Variants in EXOC3L4 observed in about 807,000 individuals in gnomAD.
The protein encoded by EXOC3L4 is exocyst complex component 3 like 4.
In EXOC3L4, 62 loss-of-function variants were observed where a neutral mutation model predicts 69.7. That is an observed-to-expected ratio of 0.89 (90% CI 0.72 to 1.10). The LOEUF is 1.10. Ranked by LOEUF, EXOC3L4 falls within the 50% of genes least tolerant of loss-of-function variation. The pLI, the probability that EXOC3L4 is intolerant of heterozygous loss-of-function variation, is 0.00. For missense variants in EXOC3L4, 1,087 were observed against 1,034.8 expected (o/e 1.05, Z -0.69); for synonymous variants, 502 against 464.2 (o/e 1.08, Z -1.05).
At chr14:103,101,396 GC>G (rs796405261) in intron 2 of EXOC3L4, among the ~76,000 whole-genome samples, 21 of 152,262 alleles carry the variant, frequency 1.4e-4, no homozygotes, top group African/African-American at 4.3e-4. Context: ...TGCAATGGGA[GC>G]CCCCCCATTG....
chr14:103,095,491 A>G (rs1889851879), intron 1 of EXOC3L4, among the ~76,000 whole-genome samples: 1 of 145,224 alleles, frequency 6.9e-6, no homozygotes, highest in Non-Finnish European at 1.6e-5. Flanking sequence ...ACAACTGAAG[A>G]AGGAGGGGCT....
At position 103,104,021 on chromosome 14, in the gene EXOC3L4, G is replaced by C. The variant is rs776956380; in HGVS notation, c.1130G>C (p.Arg377Pro). The C allele has an allele frequency of 6.3e-7, 1 of 1,578,084 alleles. No individual in the cohort carries two copies. Among genetic ancestry groups the C allele is most frequent in the African/African-American group, 1.3e-5 (1 of 74,190 alleles). Reference protein sequence around the residue: ...PPLLAPDVWARLESDYTSFLE... With the variant: ...PPLLAPDVWAPLESDYTSFLE... ...CTCCTGGCGCCGGACGTGTGGGCCC[G>C]ACTGGAGAGCGACTACACCAGCTTC... Residue 377 changes from arginine (R) to proline (P), a missense_variant, in exon 4 of 12, where the codon CGA becomes CCA. Arg to Pro is a moderately radical substitution (Grantham distance 103, BLOSUM62 -2). Transcript: ENST00000688303.
intron 7 of EXOC3L4, among the ~76,000 whole-genome samples, chr14:103,105,466 TTG>T (rs140402037): frequency 1.3e-5 from 2 of 151,390 alleles, no homozygotes; most frequent in Non-Finnish European, 3.0e-5. Context: ...TGCGTGTGTC[TTG>T]TGTGTGTGTG....
chr14:103,107,459 G>A lies in EXOC3L4; in HGVS notation c.1617G>A (p.Leu539=). 1 of 1,613,944 alleles carries A rather than the reference G, an allele frequency of 6.2e-7. No homozygotes were observed. Among genetic ancestry groups the A allele is most frequent in the East Asian group, 2.2e-5 (1 of 44,874 alleles). ...LFRVVCTRDW[L]TQDWLHPLMD... is the part of the protein sequence containing the mutation. The stretch of plus-strand genomic sequence containing the variant: ...GGGTTGTGTGCACCAGGGACTGGCT[G>A]ACGCAGGACTGGCTGCATCCCCTCA... Residue 539 remains leucine, a synonymous_variant, in exon 9 of 12, where the codon CTG becomes CTA. Coordinates refer to ENST00000688303, the MANE Select transcript of EXOC3L4 (RefSeq NM_001077594.2).
At chr14:103,103,874 C>A (rs2139490733) in intron 3 of EXOC3L4, 67 bp from the exon 4 acceptor site, 1 of 1,092,968 alleles carries the variant, frequency 9.1e-7, no homozygotes, top group Non-Finnish European at 1.3e-6. Context: ...TGAGCCTGGC[C>A]AGAAGAGGGG....
At chr14:103,104,428 T>A in intron 5 of EXOC3L4, 39 bp downstream of exon 5, 1 of 1,503,698 alleles carries the variant, frequency 6.7e-7, no homozygotes. Context: ...GGGCGTCTGT[T>A]CAAGCCTCAC....
chr14:103,105,813 A>G (rs966335033), intron 7 of EXOC3L4, among the ~76,000 whole-genome samples: 2 of 152,146 alleles, frequency 1.3e-5, no homozygotes, highest in Non-Finnish European at 2.9e-5. Context: ...GAGCCTCCCC[A>G]TCTGGGTTTA....
intron 3 of EXOC3L4, chr14:103,103,668 G>C: frequency 2.3e-6 from 1 of 438,700 alleles, no homozygotes; most frequent in Admixed American, 4.2e-5. Flanking sequence ...CGATTCCTGA[G>C]CTGTGTTTGA....
Position 103,100,368 on chromosome 14 carries a change from T to G in EXOC3L4, c.149T>G (p.Leu50Arg). The change falls in exon 2 of 12, where the codon CTG becomes CGG. Residue 50 changes from leucine (L) to arginine (R), a missense_variant. Physicochemically the swap from Leu to Arg is moderately radical, Grantham distance 102 (BLOSUM62 -2). Transcript: ENST00000688303. ...CGCAAGGATGGCACAAGGCTGGGCC[T>G]GGGCTCCCTGAGGCAGGCCTTCTCC... ...AHRKDGTRLGLGSLRQAFSRA... is the reference protein window; with the variant it reads ...AHRKDGTRLGRGSLRQAFSRA... 6.2e-7 allele frequency: 1 copy of G among 1,606,618 alleles called. No individual in the cohort carries two copies. The highest frequency in any genetic ancestry group is 8.5e-7 in the Non-Finnish European group (1 of 1,176,500).
chr14:103,110,143 G>A lies in EXOC3L4; in HGVS notation c.2089G>A (p.Ala697Thr). 1 of 1,550,124 alleles carries A rather than the reference G, an allele frequency of 6.5e-7. No individual in the cohort carries two copies. Among genetic ancestry groups the A allele is most frequent in the South Asian group, 1.2e-5 (1 of 84,136 alleles). The stretch of plus-strand genomic sequence containing the variant: ...GAGAGCTGCGGCCGGGGCGGCGGGT[G>A]CGGAGGCCCCTCGGGGCCGCGTGCT... ...LLRAAAGAAGAEAPRGRVLFE... is the reference protein window; with the variant it reads ...LLRAAAGAAGTEAPRGRVLFE... The change falls in exon 12 of 12, where the codon GCG (alanine) becomes ACG (threonine). Residue 697 changes from alanine to threonine, a missense_variant. Physicochemically the swap from Ala to Thr is moderately conservative, Grantham distance 58. Coordinates refer to ENST00000688303, the MANE Select transcript of EXOC3L4 (RefSeq NM_001077594.2).
intron 4 of EXOC3L4, 62 bp downstream of exon 4, chr14:103,104,114 T>G: frequency 6.9e-7 from 1 of 1,456,166 alleles, no homozygotes; most frequent in East Asian, 2.6e-5. Flanking sequence ...TGGGGGGATG[T>G]GCGGCGCCCA....
At chr14:103,098,038 G>A (rs1373500005) in intron 1 of EXOC3L4, among the ~76,000 whole-genome samples, 2 of 152,046 alleles carry the variant, frequency 1.3e-5, no homozygotes, top group Admixed American at 1.3e-4. Flanking sequence ...GAATAGCTTG[G>A]GAAGCTGTTG....
Position 103,100,577 on chromosome 14 carries a change from A to G in EXOC3L4, c.358A>G (p.Thr120Ala), listed in dbSNP as rs767985118. 2 of 1,608,354 alleles carry G rather than the reference A, an allele frequency of 1.2e-6. No individual in the cohort carries two copies. The highest frequency in any genetic ancestry group is 1.3e-5 in the African/African-American group (1 of 74,838). The change falls in exon 2 of 12, where the codon ACT becomes GCT. Residue 120 changes from threonine to alanine, a missense_variant. By Grantham distance (58) the Thr-to-Ala change is moderately conservative (BLOSUM62 0). Transcript: ENST00000688303. ...GAATGGTGTCAGCCAGCAGGCATCC[A>G]CTGGGGCAGCGTCTGAGGAACTGAA... is the stretch of plus-strand genomic sequence containing the variant. The part of the protein sequence containing the change: ...VMNGVSQQAS[T>A]GAASEELKPE...
intron 1 of EXOC3L4, among the ~76,000 whole-genome samples, chr14:103,096,398 A>ATTTTTTTTTTT (rs1440659126): frequency 1.5e-5 from 1 of 68,504 alleles, no homozygotes; most frequent in Admixed American, 1.7e-4. Context: ...TTTTGGCAAG[A>ATTTTTTTTTTT]TTCTTTTTTT....
chr14:103,102,176 G>C lies in EXOC3L4; in HGVS notation c.453G>C (p.Gln151His). 1 of 1,603,794 alleles carries C rather than the reference G, an allele frequency of 6.2e-7. No homozygotes were observed. Among genetic ancestry groups the C allele is most frequent in the Non-Finnish European group, 8.5e-7 (1 of 1,175,824 alleles). Residue 151 changes from glutamine (Q) to histidine (H), a missense_variant, in exon 3 of 12, where the codon CAG becomes CAC. Transcript: ENST00000688303. Reference sequence around the variant, plus strand: ...GGCAACTGCTGGCGGCCTTCGAACAGCTTCTGCGCCTGGAGACGCTGCTGG... The same window carrying C: ...GGCAACTGCTGGCGGCCTTCGAACACCTTCTGCGCCTGGAGACGCTGCTGG... ...TERQLLAAFEQLLRLETLLVA... is the reference protein window; with the variant it reads ...TERQLLAAFEHLLRLETLLVA...
intron 2 of EXOC3L4, among the ~76,000 whole-genome samples, chr14:103,101,168 G>C (rs529112770): frequency 6.6e-6 from 1 of 152,004 alleles, no homozygotes; most frequent in Non-Finnish European, 1.5e-5. Context: ...GCCTCCCAAA[G>C]TGCTGGGATT....
Position 103,100,229 on chromosome 14 carries a change from C to T in EXOC3L4, c.10C>T (p.Pro4Ser), listed in dbSNP as rs762198875. Residue 4 changes from proline to serine, a missense_variant, in exon 2 of 12, where the codon CCA (proline) becomes TCA (serine). Pro to Ser is a moderately conservative substitution (Grantham distance 74). Coordinates refer to ENST00000688303, the MANE Select transcript of EXOC3L4 (RefSeq NM_001077594.2). ...CTCTCCTGCTGCCAAGATGCCATCACCACAGACAGACACTCCTGGGCCGGA... is the reference window on the plus strand; with the variant it reads ...CTCTCCTGCTGCCAAGATGCCATCATCACAGACAGACACTCCTGGGCCGGA... MPS[P>S]QTDTPGPELQ... 1.3e-6 allele frequency: 2 copies of T among 1,577,952 alleles called. No homozygotes were observed. The highest frequency in any genetic ancestry group is 2.3e-5 in the East Asian group (1 of 43,856).
chr14:103,102,381 G>A lies in EXOC3L4; in HGVS notation c.658G>A (p.Ala220Thr), dbSNP rs543367128. 1.0e-5 allele frequency: 16 copies of A among 1,558,610 alleles called. No individual in the cohort carries two copies. In the African/African-American group the frequency reaches 1.5e-4, roughly 15 times the overall value. The stretch of plus-strand genomic sequence containing the variant: ...GGCCGAGCTGGCCCGCGTGGTGAGC[G>A]CGGAGGAGGAAGCCCACCCTTCTCC... ...ALAELARVVS[A>T]EEEAHPSPPD... The change falls in exon 3 of 12, where the codon GCG becomes ACG. Residue 220 changes from alanine to threonine, a missense_variant. Ala to Thr is a moderately conservative substitution (Grantham distance 58, BLOSUM62 0). Transcript: ENST00000688303.
At position 103,104,805 on chromosome 14, in the gene EXOC3L4, T is replaced by G; in HGVS notation, c.1352T>G (p.Ile451Ser). ...SAELEATTLRICTRALGLFVP... is the reference protein window; with the variant it reads ...SAELEATTLRSCTRALGLFVP... ...GAGCTGGAGGCCACCACCCTGCGAA[T>G]CTGCACGCGGGCGCTCGGCCTCTTC... The change falls in exon 6 of 12, where the codon ATC (isoleucine) becomes AGC (serine). Residue 451 changes from isoleucine to serine, a missense_variant. Physicochemically the swap from Ile to Ser is moderately radical, Grantham distance 142. Coordinates refer to ENST00000688303, the MANE Select transcript of EXOC3L4 (RefSeq NM_001077594.2). 6.6e-7 allele frequency: 1 copy of G among 1,522,974 alleles called. No individual in the cohort carries two copies. Among genetic ancestry groups the G allele is most frequent in the Non-Finnish European group, 8.8e-7 (1 of 1,130,478 alleles). The allele number at this position is 1,522,974 out of a possible 1,614,324, so 94.3% of individuals were successfully genotyped here. A position where few individuals can be genotyped will look rare whatever the true frequency, so the allele number is the denominator to read the frequency against.
Sources: gnomAD v4.1 joint callset for allele counts (sites outside exome capture counted in the v4.1 genomes callset) on GRCh38, gnomAD v4.1.1 for gene constraint, MANE v1.5 for transcripts, NCBI Gene and HGNC (gene_info 2026-07-23, HGNC 2026-07-21) for gene names.